GRHL3: variants seen among roughly 807,000 people sequenced by gnomAD.
GRHL3 encodes grainyhead like transcription factor 3.
GRHL3 carries 20 observed loss-of-function variants against 70.3 expected under a neutral mutation model. The observed-to-expected ratio is 0.28, with a 90% CI of 0.20 to 0.41. The LOEUF is 0.41. Among genes scored for constraint, GRHL3 ranks in the 10% least tolerant of loss-of-function variants. GRHL3 has a pLI of 1.00. For missense variants in GRHL3, 637 were observed against 762.3 expected (o/e 0.84, Z 1.94); for synonymous variants, 299 against 299.9 (o/e 1.00, Z 0.03).
At chr1:24,362,384 A>G (rs949474579) in intron 15 of GRHL3, among the ~76,000 whole-genome samples, 1 of 152,192 alleles carries the variant, frequency 6.6e-6, no homozygotes, top group African/African-American at 2.4e-5. Flanking sequence ...ATGATGGCGG[A>G]GGGGACTGAG....
chr1:24,346,536 C>A lies in GRHL3; in HGVS notation c.1455-17C>A, dbSNP rs931174060. ...TCCCCAAGTTTCTCACAAGCTCCCC[C>A]ACTGCCATCCCCACAGGCTGCCTCT... On this transcript the variant is annotated splice_polypyrimidine_tract_variant and intron_variant, in intron 12 of 15. Coordinates refer to ENST00000361548, the MANE Select transcript of GRHL3 (RefSeq NM_198173.3). The A allele has an allele frequency of 5.7e-6, 9 of 1,591,784 alleles. No individual in the cohort carries two copies. The highest frequency in any genetic ancestry group is 6.9e-6 in the Non-Finnish European group (8 of 1,160,786).
At chr1:24,336,924 G>T in intron 4 of GRHL3, 97 bp downstream of exon 4, 1 of 1,265,720 alleles carries the variant, frequency 7.9e-7, no homozygotes, top group South Asian at 1.4e-5. Context: ...GGAATCCATG[G>T]GGGAAAGCAT....
rs1196977658 is a variant in GRHL3, at chr1:24,342,750, G to C, written c.1263G>C (p.Lys421Asn). ...DERKQFRRKVKCPDSSNSGVK... is the reference protein window; with the variant it reads ...DERKQFRRKVNCPDSSNSGVK... ...GGAAGCAGTTCCGGAGGAAGGTCAA[G>C]TGCCCTGACTCCAGCAACAGTGGTC... The change falls in exon 10 of 16, where the codon AAG becomes AAC. Residue 421 changes from lysine (K) to asparagine (N), a missense_variant. Physicochemically the swap from Lys to Asn is moderately conservative, Grantham distance 94. Transcript: ENST00000361548. The surrounding 1 kb of genome is among the most constrained non-coding windows in gnomAD (Gnocchi z 4.8). The C allele has an allele frequency of 6.2e-7, 1 of 1,614,096 alleles. No individual in the cohort carries two copies. The highest frequency in any genetic ancestry group is 8.5e-7 in the Non-Finnish European group (1 of 1,180,042).
rs1343856735 is a variant in GRHL3, at chr1:24,334,918, C to A, written c.266+212C>A. On this transcript the variant is annotated intron_variant, in intron 3 of 15. Transcript: ENST00000361548. This position sits in a 1 kb window ranked among gnomAD's most constrained non-coding sequence, Gnocchi z 4.3. ...ACTTGGATTATATTCATCTTTATAC[C>A]ATTGTACTTACTAAAGATATTTTTA... Among the ~76,000 whole-genome samples, 2 of 151,000 alleles carry A rather than the reference C, an allele frequency of 1.3e-5. No individual in the cohort carries two copies. Among genetic ancestry groups the A allele is most frequent in the Non-Finnish European group, 3.0e-5 (2 of 67,674 alleles).
rs764076634 is a variant in GRHL3, at chr1:24,331,544, G to C, written c.136G>C (p.Ala46Pro). ...AAACCCGTTGACAGCTGCCACAAAG[G>C]CCATGATGAGAGTCAATGGAGATGA... ...LENPLTAATK[A>P]MMRVNGDDDS... is the part of the protein sequence containing the mutation. Residue 46 changes from alanine to proline, a missense_variant, in exon 2 of 16, where the codon GCC becomes CCC. Physicochemically the swap from Ala to Pro is conservative, Grantham distance 27. Transcript: ENST00000361548. The C allele has an allele frequency of 3.5e-5, 56 of 1,614,008 alleles. No homozygotes were observed. Among genetic ancestry groups the C allele is most frequent in the Non-Finnish European group, 4.7e-5 (55 of 1,180,012 alleles).
chr1:24,327,007 TGG>T (rs1047590544), intron 1 of GRHL3, among the ~76,000 whole-genome samples: 70 of 152,356 alleles, frequency 4.6e-4, no homozygotes, highest in Non-Finnish European at 9.0e-4. Flanking sequence ...AGGAGGCTTG[TGG>T]GAGGATGAAA....
At chr1:24,357,709 C>CA (rs1640814156), downstream of GRHL3, 1 of 167,218 alleles carries the variant, frequency 6.0e-6, no homozygotes, top group Non-Finnish European at 1.3e-5. Flanking sequence ...TCCCCACCCA[C>CA]CGCGAATCTG....
chr1:24,346,658 C>T lies in GRHL3; in HGVS notation c.1543+17C>T. The T allele has an allele frequency of 6.3e-7, 1 of 1,588,360 alleles. No homozygotes were observed. The highest frequency in any genetic ancestry group is 8.6e-7 in the Non-Finnish European group (1 of 1,159,086). On this transcript the variant is annotated intron_variant, in intron 13 of 15. Coordinates refer to ENST00000361548, the MANE Select transcript of GRHL3 (RefSeq NM_198173.3). ...TTCAGAGAGGTGACCTCCCGCCCTC[C>T]TCATTTACTCACCAGGCCCACCCCA...
intron 15 of GRHL3, among the ~76,000 whole-genome samples, chr1:24,351,486 G>C (rs998608115): frequency 5.9e-5 from 9 of 152,038 alleles, no homozygotes; most frequent in African/African-American, 1.4e-4. Flanking sequence ...TTCCATCTGA[G>C]TCTCACATGC....
intron 15 of GRHL3, among the ~76,000 whole-genome samples, chr1:24,361,900 C>A (rs1377045790): frequency 6.6e-6 from 1 of 152,186 alleles, no homozygotes; most frequent in East Asian, 1.9e-4. Flanking sequence ...CTGCTGTGAC[C>A]TTTCATCAGG....
chr1:24,354,096 G>T (rs1640621401), intron 15 of GRHL3, among the ~76,000 whole-genome samples: 1 of 152,206 alleles, frequency 6.6e-6, no homozygotes, highest in African/African-American at 2.4e-5. Flanking sequence ...CCATCCTCGG[G>T]TGTACCAGGA....
chr1:24,345,011 C>T (rs573331894), intron 12 of GRHL3, 80 bp downstream of exon 12: 49 of 1,410,032 alleles, frequency 3.5e-5, no homozygotes, highest in South Asian at 1.9e-4. Context: ...CCTGTGCCTC[C>T]GCCACACCTG....
At chr1:24,347,187 C>A (rs1019679264) in intron 13 of GRHL3, among the ~76,000 whole-genome samples, 1 of 152,212 alleles carries the variant, frequency 6.6e-6, no homozygotes, top group Admixed American at 6.5e-5. Context: ...GCGGACAGAG[C>A]CTCCATTTTA....
rs1639873449 is a variant in GRHL3 at position 24,337,628 on chromosome 1, C to T, written c.687-8C>T. On this transcript the variant is annotated splice_region_variant and splice_polypyrimidine_tract_variant and intron_variant, in intron 5 of 15. Transcript: ENST00000361548. ...CCAGCCTCACTGTCCTCTCCCTCCTCCCTGCAGTGACTTTGAATACACCCT... is the reference window on the plus strand; with the variant it reads ...CCAGCCTCACTGTCCTCTCCCTCCTTCCTGCAGTGACTTTGAATACACCCT... The T allele has an allele frequency of 6.2e-7, 1 of 1,613,924 alleles. No homozygotes were observed. The highest frequency in any genetic ancestry group is 8.5e-7 in the Non-Finnish European group (1 of 1,179,892).
Position 24,355,033 on chromosome 1 carries a change from T to C in GRHL3, c.*545T>C, listed in dbSNP as rs1640662732. On this transcript the variant is annotated 3_prime_UTR_variant, in exon 16 of 16. Transcript: ENST00000361548. ...AGACTTCCTCAGCGCAGGATGTAAA[T>C]AGCACTAACGATCGACTGGAACAAA... 6.5e-6 allele frequency: 1 copy of C among 152,984 alleles called. No homozygotes were observed. Among genetic ancestry groups the C allele is most frequent in the African/African-American group, 2.4e-5 (1 of 41,448 alleles). The allele number at this position is 152,984 out of a possible 1,614,324, so 9.5% of individuals were successfully genotyped here.
At chr1:24,340,963 A>G (rs1485242587) in intron 8 of GRHL3, among the ~76,000 whole-genome samples, 1 of 152,024 alleles carries the variant, frequency 6.6e-6, no homozygotes, top group African/African-American at 2.4e-5. Context: ...GCATGAGGGC[A>G]GAGCTGGCTG....
intron 15 of GRHL3, among the ~76,000 whole-genome samples, chr1:24,351,478 C>T (rs1356092413): frequency 2.6e-5 from 4 of 152,012 alleles, no homozygotes; most frequent in Non-Finnish European, 5.9e-5. Context: ...GTTTCGGTTT[C>T]CATCTGAGTC....
chr1:24,325,582 T>G (rs1459850278), intron 1 of GRHL3, among the ~76,000 whole-genome samples: 1 of 152,194 alleles, frequency 6.6e-6, no homozygotes, highest in Admixed American at 6.5e-5. Flanking sequence ...CTTGTTGGGA[T>G]GAAACCCCAC....
intron 15 of GRHL3, chr1:24,360,848 G>T: frequency 6.2e-7 from 1 of 1,609,352 alleles, no homozygotes; most frequent in South Asian, 1.1e-5. Context: ...ACAATCCTCT[G>T]ACCTGGGCCA....
Sources: gnomAD v4.1 joint callset for allele counts (sites outside exome capture counted in the v4.1 genomes callset) on GRCh38, gnomAD v4.1.1 for gene constraint, Gnocchi (gnomAD v3.1) non-coding constraint, MANE v1.5 for transcripts, NCBI Gene and HGNC (gene_info 2026-07-23, HGNC 2026-07-21) for gene names.